Variants in FBXO15 observed in about 807,000 individuals in gnomAD.
FBXO15 encodes F-box only protein 15.
Under a neutral mutation model 49.5 loss-of-function variants are expected in FBXO15, and 30 were observed. The ratio of observed to expected loss-of-function variants is 0.61; its 90% CI spans 0.45 to 0.82. FBXO15 has a LOEUF of 0.82. Among genes scored for constraint, FBXO15 ranks in the 40% least tolerant of loss-of-function variants. The probability of loss-of-function intolerance (pLI) is 0.00; values close to 1 mark genes in which losing one functional copy is unlikely to be tolerated. For missense variants in FBXO15, 591 were observed against 631.5 expected (o/e 0.94, Z 0.69); for synonymous variants, 250 against 232.7 (o/e 1.07, Z -0.68).
At chr18:74,112,484 A>G (rs1914070702) in intron 8 of FBXO15, among the ~76,000 whole-genome samples, 1 of 152,210 alleles carries the variant, frequency 6.6e-6, no homozygotes, top group South Asian at 2.1e-4. Context: ...AATCCAGGAA[A>G]AAAACAGGAA....
chr18:74,112,583 C>A (rs1914075477), intron 8 of FBXO15, among the ~76,000 whole-genome samples: 1 of 152,194 alleles, frequency 6.6e-6, no homozygotes, highest in Non-Finnish European at 1.5e-5. Flanking sequence ...TCGAAACTTT[C>A]TCATTAAGAT....
At chr18:74,086,672 A>C (rs1434957348) in intron 8 of FBXO15, among the ~76,000 whole-genome samples, 1 of 152,224 alleles carries the variant, frequency 6.6e-6, no homozygotes, top group Non-Finnish European at 1.5e-5. Context: ...AGCCTCCCAA[A>C]GTACTGGGAT....
In FBXO15 at chr18:74,135,787, G is replaced by A. The variant is rs141908194; in HGVS notation, c.307C>T (p.Arg103Cys). ...SLLCTGCVSR[R>C]FYHLANDNFI... ...TTGTCATTGGCTAGATGATAAAAGC[G>A]CCTGCTCACACATCCAGTACACAGA... is the stretch of plus-strand genomic sequence containing the variant. Residue 103 changes from arginine (R) to cysteine (C), a missense_variant, in exon 3 of 10, where the codon CGC becomes TGC. Transcript: ENST00000419743. The A allele has an allele frequency of 1.3e-5, 21 of 1,608,376 alleles. No homozygotes were observed. Among genetic ancestry groups the A allele is most frequent in the Admixed American group, 6.8e-5 (4 of 59,028 alleles).
intron 8 of FBXO15, among the ~76,000 whole-genome samples, chr18:74,118,363 T>C (rs1174535510): frequency 1.4e-5 from 2 of 145,754 alleles, no homozygotes; most frequent in Non-Finnish European, 3.1e-5. Context: ...TTCAGAATGT[T>C]AATATTCCCC....
intron 8 of FBXO15, among the ~76,000 whole-genome samples, chr18:74,110,259 G>A (rs991845167): frequency 2.7e-5 from 4 of 149,488 alleles, no homozygotes; most frequent in Non-Finnish European, 5.9e-5. Context: ...CAAAGATTGG[G>A]AGGGAGGAAT....
intron 2 of FBXO15, among the ~76,000 whole-genome samples, chr18:74,137,205 C>A (rs918397938): frequency 4.7e-5 from 6 of 126,746 alleles, no homozygotes; most frequent in African/African-American, 1.5e-4. Flanking sequence ...CAAAATAAAA[C>A]CCCTCCCATT....
Position 74,124,474 on chromosome 18 carries a change from C to T in FBXO15, c.995+15G>A, listed in dbSNP as rs781568834. The T allele has an allele frequency of 5.0e-6, 8 of 1,606,322 alleles. No homozygotes were observed. The African/African-American group carries it at 8.0e-5, about 16-fold the overall frequency. ...ACTGTACAAAAATTCAACACACCCA[C>T]ATATAAATACATACATAGTAGCCGA... On this transcript the variant is annotated intron_variant, in intron 7 of 9. Coordinates refer to ENST00000419743, the MANE Select transcript of FBXO15 (RefSeq NM_001142958.2).
intron 8 of FBXO15, among the ~76,000 whole-genome samples, chr18:74,092,589 T>G (rs1913088436): frequency 2.0e-5 from 3 of 152,168 alleles, no homozygotes; most frequent in Admixed American, 2.0e-4. Context: ...GGGGTATGAT[T>G]GTGACGTAAG....
intron 6 of FBXO15, among the ~76,000 whole-genome samples, chr18:74,125,646 C>T (rs553443674): frequency 9.9e-5 from 15 of 152,138 alleles, no homozygotes; most frequent in African/African-American, 3.6e-4. Context: ...GAAGAAGGAA[C>T]GTGGACTGAT....
In FBXO15 at chr18:74,073,734, C is replaced by A. The variant is rs746414851; in HGVS notation, c.1264-4G>T. ...TTACGTCCATCATGGAACAACTCTG[C>A]AAAATAAACACAGATTGACAAGGAT... is the stretch of plus-strand genomic sequence containing the variant. On this transcript the variant is annotated splice_region_variant and splice_polypyrimidine_tract_variant and intron_variant, in intron 9 of 9. Transcript: ENST00000419743. The A allele has an allele frequency of 1.2e-6, 2 of 1,605,266 alleles. No homozygotes were observed. The highest frequency in any genetic ancestry group is 2.2e-5 in the East Asian group (1 of 44,772).
intron 8 of FBXO15, among the ~76,000 whole-genome samples, chr18:74,102,323 A>T (rs908570946): frequency 2.6e-5 from 4 of 152,200 alleles, no homozygotes; most frequent in African/African-American, 9.7e-5. Flanking sequence ...TCAAAAGAAG[A>T]TATACAAATG....
intron 5 of FBXO15, among the ~76,000 whole-genome samples, chr18:74,127,669 T>C (rs1348072029): frequency 6.6e-6 from 1 of 152,206 alleles, no homozygotes; most frequent in Non-Finnish European, 1.5e-5. Context: ...TTAGTTTTGT[T>C]TATCACAGTT....
At chr18:74,115,210 T>A (rs759704500) in intron 8 of FBXO15, among the ~76,000 whole-genome samples, 29 of 152,186 alleles carry the variant, frequency 1.9e-4, no homozygotes, top group Non-Finnish European at 2.9e-4. Flanking sequence ...CACGAGCTGT[T>A]GCCTCAAAAT....
At chr18:74,073,756 G>A (rs938545811) in intron 9 of FBXO15, 26 bp from the exon 10 acceptor site, 2 of 1,586,268 alleles carry the variant, frequency 1.3e-6, no homozygotes, top group East Asian at 4.5e-5. Context: ...AGATTGACAA[G>A]GATAAAAAGG....
intron 8 of FBXO15, among the ~76,000 whole-genome samples, chr18:74,087,355 G>C (rs116476030): frequency 6.6e-6 from 1 of 152,176 alleles, no homozygotes; most frequent in Admixed American, 6.5e-5. Flanking sequence ...CATAGTACCC[G>C]ATAGGTAGTT....
chr18:74,121,817 G>A lies in FBXO15; in HGVS notation c.1138+1551C>T, dbSNP rs570271863. 1.2e-4 allele frequency among the ~76,000 whole-genome samples: 19 copies of A among 152,314 alleles called. No homozygotes were observed. The South Asian group carries it at 3.7e-3, about 30-fold the overall frequency. On this transcript the variant is annotated intron_variant, in intron 8 of 9. Coordinates refer to ENST00000419743, the MANE Select transcript of FBXO15 (RefSeq NM_001142958.2). ...AGAGCTCACATTTCTTCCACCACAG[G>A]AGATGACTAGTGCCTCAGTGAAACC...
At chr18:74,096,967 C>T (rs1336976699) in intron 8 of FBXO15, 2 of 152,312 alleles carry the variant, frequency 1.3e-5, no homozygotes, top group Admixed American at 1.3e-4. Context: ...CATTGGAGAA[C>T]TTGAAGGTCT....
chr18:74,080,233 G>C (rs1912432972), intron 9 of FBXO15, among the ~76,000 whole-genome samples: 1 of 152,184 alleles, frequency 6.6e-6, no homozygotes, highest in Admixed American at 6.5e-5. Flanking sequence ...GAGCTGCACA[G>C]CAAATACAAG....
chr18:74,087,607 T>C (rs1912802898), intron 8 of FBXO15, among the ~76,000 whole-genome samples: 1 of 152,244 alleles, frequency 6.6e-6, no homozygotes, highest in Non-Finnish European at 1.5e-5. Flanking sequence ...TTTTATCCAG[T>C]CTACCACTGA....
Sources: gnomAD v4.1 joint callset for allele counts (sites outside exome capture counted in the v4.1 genomes callset) on GRCh38, gnomAD v4.1.1 for gene constraint, MANE v1.5 for transcripts, NCBI Gene and HGNC (gene_info 2026-07-23, HGNC 2026-07-21) for gene names.